The following PTPRH variants were observed in gnomAD, a reference collection of about 807,000 sequenced individuals.
PTPRH encodes the protein receptor-type tyrosine-protein phosphatase H.
A neutral mutation model predicts 130.2 loss-of-function variants in PTPRH; 113 were observed. The observed-to-expected ratio is 0.87, with a 90% CI of 0.75 to 1.01. The LOEUF (loss-of-function observed/expected upper bound fraction) is 1.01. Among genes scored for constraint, PTPRH ranks in the 50% least tolerant of loss-of-function variants. The pLI is 0.00. For synonymous variants in PTPRH, 556 were observed against 577.9 expected (o/e 0.96, Z 0.54); for missense variants, 1,430 against 1,425.0 (o/e 1.00, Z -0.06).
At chr19:55,190,882 C>T (rs1442964538) in intron 12 of PTPRH, among the ~76,000 whole-genome samples, 2 of 151,962 alleles carry the variant, frequency 1.3e-5, no homozygotes, top group African/African-American at 2.4e-5. Context: ...CGATCTGTCA[C>T]CCAGGCTGCA....
rs1034504080 is a variant in PTPRH, at chr19:55,186,047, T to A, written c.2779-63A>T. The A allele has an allele frequency of 2.5e-6, 4 of 1,610,562 alleles. No homozygotes were observed. In the African/African-American group the frequency reaches 4.0e-5, roughly 16 times the overall value. On this transcript the variant is annotated intron_variant, in intron 16 of 19. Coordinates refer to ENST00000376350, the MANE Select transcript of PTPRH (RefSeq NM_002842.5). Reference sequence around the variant, plus strand: ...TTACCCAGGTCTGTGGGGTCTGCTTTAGGCCCCAAATGTGAACCAGCAGAT... The same window carrying A: ...TTACCCAGGTCTGTGGGGTCTGCTTAAGGCCCCAAATGTGAACCAGCAGAT...
chr19:55,189,683 C>T (rs1200300462), intron 12 of PTPRH: 1 of 455,940 alleles, frequency 2.2e-6, no homozygotes, highest in Non-Finnish European at 4.4e-6. Context: ...CTTGAATATC[C>T]TGCCGAAAAT....
chr19:55,185,542 C>T lies in PTPRH; in HGVS notation c.3022G>A (p.Asp1008Asn), dbSNP rs778668100. Residue 1008 changes from aspartate (D) to asparagine (N), a missense_variant, in exon 18 of 20, where the codon GAT (aspartate) becomes AAT (asparagine). Transcript: ENST00000376350. Reference protein sequence around the residue: ...AFWRMLRQWLDQTMEGGPPIV... With the variant: ...AFWRMLRQWLNQTMEGGPPIV... ...GGTGGGCCTCCCTCCATGGTCTGATCCAGCCACTGCCGAAGCATCCTCCAG... is the reference window on the plus strand; with the variant it reads ...GGTGGGCCTCCCTCCATGGTCTGATTCAGCCACTGCCGAAGCATCCTCCAG... The T allele has an allele frequency of 2.0e-5, 32 of 1,614,034 alleles. No homozygotes were observed. The Admixed American group carries it at 5.2e-4, about 26-fold the overall frequency.
intron 12 of PTPRH, among the ~76,000 whole-genome samples, chr19:55,190,107 A>C (rs917163252): frequency 6.6e-6 from 1 of 152,092 alleles, no homozygotes; most frequent in Non-Finnish European, 1.5e-5. Context: ...GCTGTGGCTC[A>C]CGCCGGTAAT....
intron 7 of PTPRH, 111 bp from the exon 8 acceptor site, chr19:55,199,023 G>T (rs1600053427): frequency 8.9e-7 from 1 of 1,117,642 alleles, no homozygotes; most frequent in East Asian, 3.1e-5. Context: ...AACACTTCCT[G>T]GCAGGGCACA....
At chr19:55,199,806 A>G (rs2086801512) in intron 7 of PTPRH, among the ~76,000 whole-genome samples, 2 of 143,924 alleles carry the variant, frequency 1.4e-5, no homozygotes, top group Admixed American at 6.8e-5. Context: ...AGAAAGAAAG[A>G]AGGAAAGAAA....
rs1410709355 is a variant in PTPRH, at chr19:55,209,466, C to G, written c.-33G>C. 2.1e-6 allele frequency: 3 copies of G among 1,459,456 alleles called. No individual in the cohort carries two copies. In the Admixed American group the frequency reaches 6.0e-5, roughly 29 times the overall value. The allele number at this position is 1,459,456 out of a possible 1,614,324, so 90.4% of individuals were successfully genotyped here. A position where few individuals can be genotyped will look rare whatever the true frequency, so the allele number is the denominator to read the frequency against. ...GACACTGCCGGGGACCCAGGAGTCCCAGGCCTAGTCCTTCCACCTGCTGGA... is the reference window on the plus strand; with the variant it reads ...GACACTGCCGGGGACCCAGGAGTCCGAGGCCTAGTCCTTCCACCTGCTGGA... On this transcript the variant is annotated 5_prime_UTR_variant, in exon 1 of 20. Transcript: ENST00000376350. This position sits in a 1 kb window ranked among gnomAD's most constrained non-coding sequence, Gnocchi z 4.1.
chr19:55,208,417 T>TG (rs1424633218), intron 1 of PTPRH, among the ~76,000 whole-genome samples: 3 of 2,618 alleles, frequency 1.1e-3, no homozygotes, highest in African/African-American at 2.0e-3. Context: ...GAGGAGGGGC[T>TG]GGGGTCTGGA....
chr19:55,202,295 A>G lies in PTPRH; in HGVS notation c.914T>C (p.Val305Ala), dbSNP rs746108012. The change falls in exon 6 of 20, where the codon GTG becomes GCG. Residue 305 changes from valine (V) to alanine (A), a missense_variant. Physicochemically the swap from Val to Ala is moderately conservative, Grantham distance 64 (BLOSUM62 0). Coordinates refer to ENST00000376350, the MANE Select transcript of PTPRH (RefSeq NM_002842.5). The part of the protein sequence containing the change: ...TAPNPVRNLT[V>A]EAQTNSSIAL... ...GATGGAGCTGTTGGTCTGAGCCTCC[A>G]CTGTCAGGTTTCTCACTGGGTTGGG... 3 of 1,614,108 alleles carry G rather than the reference A, an allele frequency of 1.9e-6. No individual in the cohort carries two copies. The African/African-American group carries it at 4.0e-5, about 22-fold the overall frequency.
chr19:55,196,400 T>TA, intron 10 of PTPRH, 122 bp downstream of exon 10: 2 of 1,294,472 alleles, frequency 1.5e-6, no homozygotes, highest in Non-Finnish European at 2.1e-6. Context: ...AAATACAAAA[T>TA]AAAAAAGATG....
rs913182692 is a variant in PTPRH, at chr19:55,187,622, G to C, written c.2476-19C>G. On this transcript the variant is annotated intron_variant, in intron 13 of 19. Coordinates refer to ENST00000376350, the MANE Select transcript of PTPRH (RefSeq NM_002842.5). ...AGAGTTGCTGGGGATGCAGGGAGAG[G>C]GGGTACCTGGTGTTGGATTTTCTCT... 1.9e-6 allele frequency: 3 copies of C among 1,578,582 alleles called. No individual in the cohort carries two copies. Among genetic ancestry groups the C allele is most frequent in the Non-Finnish European group, 8.7e-7 (1 of 1,148,464 alleles).
At chr19:55,185,367 T>G in intron 18 of PTPRH, 135 bp downstream of exon 18, 1 of 962,176 alleles carries the variant, frequency 1.0e-6, no homozygotes, top group Non-Finnish European at 1.5e-6. Flanking sequence ...ACGCCCCCCT[T>G]TATCTTCCAC....
At chr19:55,200,534 C>T (rs750854822) in intron 6 of PTPRH, 32 bp from the exon 7 acceptor site, 15 of 1,608,730 alleles carry the variant, frequency 9.3e-6, no homozygotes, top group East Asian at 4.5e-5. Flanking sequence ...CCTATGTTGT[C>T]GGAGATACAG....
rs761549324 is a variant in PTPRH, at chr19:55,200,325, C to T, written c.1331G>A (p.Arg444Lys). ...TGTGTACAAGGTTCCGGGCTCAAGT[C>T]TCTCAGCTGTCACACTGGTATTTGT... ...NTTNTSVTAE[R>K]LEPGTLYTFS... Residue 444 changes from arginine to lysine, a missense_variant, in exon 7 of 20, where the codon AGA becomes AAA. Coordinates refer to ENST00000376350, the MANE Select transcript of PTPRH (RefSeq NM_002842.5). 1.2e-5 allele frequency: 19 copies of T among 1,614,088 alleles called. No individual in the cohort carries two copies. The highest frequency in any genetic ancestry group is 1.6e-5 in the Non-Finnish European group (19 of 1,180,044).
rs569113706 is a variant in PTPRH at position 55,203,144 on chromosome 19, C to T, written c.886+638G>A. ...GAGATCGAGACCATCCTGGCTAACA[C>T]GGTGAAACCCGTCTCTACTAAAAAT... On this transcript the variant is annotated intron_variant, in intron 5 of 19. Coordinates refer to ENST00000376350, the MANE Select transcript of PTPRH (RefSeq NM_002842.5). Among the ~76,000 whole-genome samples, 105 of 150,586 alleles carry T rather than the reference C, an allele frequency of 7.0e-4. 2 individuals are homozygous for T. The South Asian group carries it at 7.4e-3, about 11-fold the overall frequency.
At chr19:55,189,593 T>C (rs1463580094) in intron 12 of PTPRH, 1 of 434,370 alleles carries the variant, frequency 2.3e-6, no homozygotes, top group South Asian at 1.6e-5. Flanking sequence ...CTTTCCCAGA[T>C]GCATGCTCGG....
intron 10 of PTPRH, among the ~76,000 whole-genome samples, chr19:55,195,341 A>AAAAATAG (rs1341571850): frequency 6.6e-6 from 1 of 151,992 alleles, no homozygotes; most frequent in East Asian, 1.9e-4. Flanking sequence ...ATAAAAAATA[A>AAAAATAG]AAAATAAAAA....
At chr19:55,205,640 A>C (rs1281664962) in intron 3 of PTPRH, 48 bp from the exon 4 acceptor site, 1 of 1,603,956 alleles carries the variant, frequency 6.2e-7, no homozygotes, top group East Asian at 2.2e-5. Flanking sequence ...TCTGGCCCTC[A>C]AACTTTCCAG....
rs114203143 is a variant in PTPRH at position 55,207,328 on chromosome 19, G to A, written c.52-129C>T. On this transcript the variant is annotated intron_variant, in intron 1 of 19. Coordinates refer to ENST00000376350, the MANE Select transcript of PTPRH (RefSeq NM_002842.5). ...CCTTGCATGGGAAGGAGGGGCCGGTGTTAGGCTGGGCTGTCACGACCTCGA... is the reference window on the plus strand; with the variant it reads ...CCTTGCATGGGAAGGAGGGGCCGGTATTAGGCTGGGCTGTCACGACCTCGA... 254 of 1,005,098 alleles carry A rather than the reference G, an allele frequency of 2.5e-4. No individual in the cohort carries two copies. In the African/African-American group the frequency reaches 3.4e-3, roughly 14 times the overall value. The allele number at this position is 1,005,098 out of a possible 1,614,324, so 62.3% of individuals were successfully genotyped here. A position where few individuals can be genotyped will look rare whatever the true frequency, so the allele number is the denominator to read the frequency against.
Sources: gnomAD v4.1 joint callset for allele counts (sites outside exome capture counted in the v4.1 genomes callset) on GRCh38, gnomAD v4.1.1 for gene constraint, Gnocchi (gnomAD v3.1) non-coding constraint, MANE v1.5 for transcripts, NCBI Gene and HGNC (gene_info 2026-07-23, HGNC 2026-07-21) for gene names.